Variants in HS3ST2 observed in about 807,000 individuals in gnomAD.
HS3ST2 encodes the protein heparan sulfate glucosamine 3-O-sulfotransferase 2.
A neutral mutation model predicts 26.3 loss-of-function variants in HS3ST2; 17 were observed. The observed-to-expected ratio is 0.65, with a 90% CI of 0.44 to 0.97. HS3ST2 has a LOEUF of 0.97. Ranked by LOEUF, HS3ST2 falls within the 50% of genes least tolerant of loss-of-function variation. The pLI is 0.00. For synonymous variants in HS3ST2, 237 were observed against 219.2 expected (o/e 1.08, Z -0.72); for missense variants, 402 against 501.2 (o/e 0.80, Z 1.89).
intron 1 of HS3ST2, among the ~76,000 whole-genome samples, chr16:22,872,394 A>T (rs903525325): frequency 1.3e-5 from 2 of 152,224 alleles, no homozygotes; most frequent in Non-Finnish European, 2.9e-5. Context: ...ATAATATTTG[A>T]TCCAGAGAAG....
intron 1 of HS3ST2, among the ~76,000 whole-genome samples, chr16:22,880,753 C>G (rs985590216): frequency 2.6e-5 from 4 of 152,158 alleles, no homozygotes; most frequent in Admixed American, 6.5e-5. Context: ...TGGGTGAATC[C>G]AAACCTCCCT....
intron 1 of HS3ST2, among the ~76,000 whole-genome samples, chr16:22,824,526 G>A (rs991706589): frequency 1.3e-5 from 2 of 151,898 alleles, no homozygotes; most frequent in African/African-American, 4.8e-5. Context: ...CAGCCTGGGT[G>A]ACAGGGCGAG....
At chr16:22,833,423 C>G (rs1354561092) in intron 1 of HS3ST2, 1 of 428,008 alleles carries the variant, frequency 2.3e-6, no homozygotes, top group Non-Finnish European at 4.7e-6. Context: ...CCCAGGAGCA[C>G]GTATAGCTGG....
intron 1 of HS3ST2, among the ~76,000 whole-genome samples, chr16:22,860,173 G>T (rs942388721): frequency 1.3e-5 from 2 of 152,152 alleles, no homozygotes; most frequent in Non-Finnish European, 2.9e-5. Context: ...AAGGAAAGAG[G>T]TTTAATGGAC....
At chr16:22,868,319 G>A (rs1166060946) in intron 1 of HS3ST2, among the ~76,000 whole-genome samples, 17 of 144,100 alleles carry the variant, frequency 1.2e-4, no homozygotes, top group Non-Finnish European at 2.2e-4. Context: ...TGACACAGGA[G>A]AATTGCTTGA....
At chr16:22,866,850 C>T (rs2141191599) in intron 1 of HS3ST2, among the ~76,000 whole-genome samples, 1 of 152,164 alleles carries the variant, frequency 6.6e-6, no homozygotes, top group Admixed American at 6.5e-5. Flanking sequence ...TAAAACTTTA[C>T]TAGATAATAT....
intron 1 of HS3ST2, among the ~76,000 whole-genome samples, chr16:22,853,664 C>T (rs187679562): frequency 8.5e-5 from 13 of 152,256 alleles, no homozygotes; most frequent in African/African-American, 1.2e-4. Flanking sequence ...GAAGGTGCCA[C>T]GGAAGTCAGC....
intron 1 of HS3ST2, among the ~76,000 whole-genome samples, chr16:22,843,888 CAGGCAAGAAAGGA>C (rs1384694686): frequency 6.6e-6 from 1 of 151,432 alleles, no homozygotes; most frequent in East Asian, 1.9e-4. Context: ...TGCCTTGGGG[CAGGCAAGAAAGGA>C]AGGCAAGAAA....
intron 1 of HS3ST2, among the ~76,000 whole-genome samples, chr16:22,850,132 CATTTGTATTTGCTATTAATACA>C (rs1901497653): frequency 6.6e-6 from 1 of 152,140 alleles, no homozygotes; most frequent in Non-Finnish European, 1.5e-5. Context: ...GGGCATCCTG[CATTTGTATTTGCTATTAATACA>C]ATGGGTAACC....
intron 1 of HS3ST2, among the ~76,000 whole-genome samples, chr16:22,871,565 T>C (rs1034662432): frequency 6.6e-6 from 1 of 152,210 alleles, no homozygotes; most frequent in African/African-American, 2.4e-5. Context: ...TTGACAATCA[T>C]CTATACTTTG....
At chr16:22,906,765 G>C (rs1405683910) in intron 1 of HS3ST2, among the ~76,000 whole-genome samples, 3 of 152,160 alleles carry the variant, frequency 2.0e-5, no homozygotes, top group Non-Finnish European at 4.4e-5. Flanking sequence ...GCTAAAAAAG[G>C]GCTGAGCTTT....
intron 1 of HS3ST2, among the ~76,000 whole-genome samples, chr16:22,828,168 T>A (rs1901118173): frequency 6.6e-6 from 1 of 152,228 alleles, no homozygotes; most frequent in South Asian, 2.1e-4. Flanking sequence ...TACGTTCTAC[T>A]GTAGCTTGGA....
intron 1 of HS3ST2, among the ~76,000 whole-genome samples, chr16:22,827,886 T>A (rs1317653074): frequency 6.6e-6 from 1 of 151,536 alleles, no homozygotes; most frequent in Non-Finnish European, 1.5e-5. Context: ...ATTTTTGTAT[T>A]TTTTTTAGGG....
chr16:22,853,418 A>G (rs1901545635), intron 1 of HS3ST2, among the ~76,000 whole-genome samples: 1 of 152,144 alleles, frequency 6.6e-6, no homozygotes, highest in African/African-American at 2.4e-5. Context: ...AGAAAAGAGG[A>G]AGGATTTCAT....
chr16:22,861,796 TC>T (rs1392761884), intron 1 of HS3ST2, among the ~76,000 whole-genome samples: 1 of 152,056 alleles, frequency 6.6e-6, no homozygotes, highest in Non-Finnish European at 1.5e-5. Context: ...CTCACCACCC[TC>T]CAACCACAGT....
chr16:22,894,256 C>T (rs2141201971), intron 1 of HS3ST2, among the ~76,000 whole-genome samples: 1 of 152,300 alleles, frequency 6.6e-6, no homozygotes, highest in South Asian at 2.1e-4. Context: ...CTTGGTGCCT[C>T]ACCCCGTTCT....
chr16:22,828,820 C>G (rs950715925), intron 1 of HS3ST2, among the ~76,000 whole-genome samples: 9 of 152,316 alleles, frequency 5.9e-5, no homozygotes, highest in Admixed American at 2.6e-4. Flanking sequence ...TTTAGGCCCC[C>G]TTTCCTGTAT....
At chr16:22,822,920 G>T (rs552886018) in intron 1 of HS3ST2, among the ~76,000 whole-genome samples, 6 of 151,686 alleles carry the variant, frequency 4.0e-5, no homozygotes, top group Non-Finnish European at 7.4e-5. Flanking sequence ...AAGTGACAAA[G>T]GGTATTCAGA....
intron 1 of HS3ST2, among the ~76,000 whole-genome samples, chr16:22,897,541 A>G (rs1436747781): frequency 2.6e-5 from 4 of 152,242 alleles, no homozygotes; most frequent in African/African-American, 9.6e-5. Context: ...GTTTAGATCA[A>G]TTTACATTTT....
Sources: allele counts gnomAD v4.1 joint callset (sites outside exome capture counted in the v4.1 genomes callset), GRCh38; gene constraint gnomAD v4.1.1; transcripts MANE v1.5; gene names NCBI Gene and HGNC (gene_info 2026-07-23, HGNC 2026-07-21).